FRS2: variants seen among roughly 807,000 people sequenced by gnomAD.
The protein encoded by FRS2 is fibroblast growth factor receptor substrate 2.
FRS2 carries 8 observed loss-of-function variants against 43.9 expected under a neutral mutation model. The ratio of observed to expected loss-of-function variants is 0.18; its 90% confidence interval spans 0.11 to 0.33. The LOEUF (loss-of-function observed/expected upper bound fraction) is 0.33. Ranked by LOEUF, FRS2 falls within the 10% of genes least tolerant of loss-of-function variation. The pLI is 1.00. For synonymous variants in FRS2, 219 were observed against 220.3 expected, an observed-to-expected ratio of 0.99 and a Z score of 0.05; for missense variants, 534 against 627.6, an observed-to-expected ratio of 0.85 and a Z score of 1.59.
intron 3 of FRS2, among the ~76,000 whole-genome samples, chr12:69,548,676 G>C (rs553679104): frequency 1.4e-4 from 21 of 152,298 alleles, no homozygotes; most frequent in African/African-American, 5.1e-4. Flanking sequence ...TTAATAAAGG[G>C]ATTAGTTACA....
chr12:69,481,763 T>C (rs890782426), intron 1 of FRS2, among the ~76,000 whole-genome samples: 6 of 152,202 alleles, frequency 3.9e-5, no homozygotes, highest in Non-Finnish European at 7.3e-5. Context: ...CAATTTGGAC[T>C]TGTCTGATTT....
Position 69,576,996 on chromosome 12 carries a change from ATGGAACCAT to A in FRS2, c.*2044_*2052del, listed in dbSNP as rs1292298316. 1 of 152,296 alleles carries A rather than the reference ATGGAACCAT, an allele frequency of 6.6e-6. No individual in the cohort carries two copies. Among genetic ancestry groups the A allele is most frequent in the Non-Finnish European group, 1.5e-5 (1 of 68,046 alleles). The allele number at this position is 152,296 out of a possible 1,614,324, so 9.4% of individuals were successfully genotyped here. A position where few individuals can be genotyped will look rare whatever the true frequency, so the allele number is the denominator to read the frequency against. On this transcript the variant is annotated 3_prime_UTR_variant, in exon 9 of 9. Transcript: ENST00000549921. ...TTTGTAATGTGGAATAAGAATTATG[ATGGAACCAT>A]TGCACATTTTTTTCTGAAACAGCCA... is the stretch of plus-strand genomic sequence containing the variant.
chr12:69,474,390 A>G lies in FRS2; in HGVS notation c.-261+3860A>G, dbSNP rs190421486. ...GGTGTACTGGTTGAATCTGTGTAAG[A>G]AGATGAAAGTGCCAAGGGAGAATGT... On this transcript the variant is annotated intron_variant, in intron 1 of 8. Coordinates refer to ENST00000549921, the MANE Select transcript of FRS2 (RefSeq NM_001278356.2). Among the ~76,000 whole-genome samples the G allele has an allele frequency of 9.2e-5, 14 of 152,036 alleles. No homozygotes were observed. In the East Asian group the frequency reaches 1.6e-3, roughly 17 times the overall value.
At chr12:69,512,298 C>T (rs1278280585) in intron 1 of FRS2, among the ~76,000 whole-genome samples, 1 of 152,122 alleles carries the variant, frequency 6.6e-6, no homozygotes, top group East Asian at 1.9e-4. Flanking sequence ...CTCTTTATAA[C>T]AGGGTAGTAA....
At chr12:69,564,835 C>T (rs1880154282) in intron 4 of FRS2, among the ~76,000 whole-genome samples, 1 of 152,200 alleles carries the variant, frequency 6.6e-6, no homozygotes, top group African/African-American at 2.4e-5. Flanking sequence ...GGTTTTCCAT[C>T]ATGTGTAGGA....
At chr12:69,525,710 A>T (rs1435364786) in intron 1 of FRS2, among the ~76,000 whole-genome samples, 23 of 143,478 alleles carry the variant, frequency 1.6e-4, no homozygotes, top group Admixed American at 5.6e-4. Context: ...GAGGGAGATT[A>T]TTTTTTTTTT....
chr12:69,484,229 C>T (rs1456517355), intron 1 of FRS2, among the ~76,000 whole-genome samples: 4 of 151,998 alleles, frequency 2.6e-5, no homozygotes, highest in Non-Finnish European at 4.4e-5. Flanking sequence ...GGACTACAGG[C>T]GCCCACCACC....
intron 3 of FRS2, among the ~76,000 whole-genome samples, chr12:69,550,836 A>T (rs539281493): frequency 6.7e-4 from 102 of 152,366 alleles, no homozygotes; most frequent in African/African-American, 2.3e-3. Context: ...GTACATAATT[A>T]TAGGAAACCA....
chr12:69,526,152 T>C (rs1458849184), intron 1 of FRS2, among the ~76,000 whole-genome samples: 1 of 152,186 alleles, frequency 6.6e-6, no homozygotes, highest in African/African-American at 2.4e-5. Context: ...CCATGGTGCC[T>C]GGCCCATCCT....
rs61754563 is a variant in FRS2 at position 69,574,957 on chromosome 12, C to T, written c.*2C>T. 5.4e-3 allele frequency: 8,529 copies of T among 1,572,654 alleles called. 113 individuals carry two copies. Among genetic ancestry groups the T allele is most frequent in the South Asian group, 0.04 (3,550 of 89,486 alleles). Reference sequence around the variant, plus strand: ...AATAGTACTGATCTGCCCATGTGAGCCTGGAAAGCATTGTGTTGTTTGCAC... The same window carrying T: ...AATAGTACTGATCTGCCCATGTGAGTCTGGAAAGCATTGTGTTGTTTGCAC... On this transcript the variant is annotated 3_prime_UTR_variant, in exon 9 of 9. Coordinates refer to ENST00000549921, the MANE Select transcript of FRS2 (RefSeq NM_001278356.2).
At chr12:69,534,495 A>G (rs769883034) in intron 3 of FRS2, among the ~76,000 whole-genome samples, 5 of 152,158 alleles carry the variant, frequency 3.3e-5, no homozygotes, top group African/African-American at 9.7e-5. Context: ...CTCTCCCCCA[A>G]TTTGAAGAAC....
At chr12:69,515,513 G>A (rs1874904580) in intron 1 of FRS2, among the ~76,000 whole-genome samples, 1 of 152,046 alleles carries the variant, frequency 6.6e-6, no homozygotes, top group Non-Finnish European at 1.5e-5. Context: ...AAAAGGAGAG[G>A]GGATATAGAG....
At chr12:69,490,431 GTTTTT>G (rs5798936) in intron 1 of FRS2, among the ~76,000 whole-genome samples, 3 of 133,344 alleles carry the variant, frequency 2.2e-5, no homozygotes, top group Non-Finnish European at 4.8e-5. Context: ...AAATGTGTGG[GTTTTT>G]TTTTTTTTTT....
chr12:69,542,984 A>G (rs763956123), intron 3 of FRS2, among the ~76,000 whole-genome samples: 2 of 152,240 alleles, frequency 1.3e-5, no homozygotes, highest in Non-Finnish European at 1.5e-5. Flanking sequence ...TACATCTGCT[A>G]TAATAACTAT....
chr12:69,497,330 G>A (rs7313202), intron 1 of FRS2, among the ~76,000 whole-genome samples: 51,164 of 152,064 alleles, frequency 0.34, 8,838 homozygotes, highest in South Asian at 0.58. Context: ...AGACTGGGTA[G>A]CTTATACATA....
At chr12:69,528,868 CTCTTGT>C (rs1256597988) in intron 1 of FRS2, among the ~76,000 whole-genome samples, 1 of 152,156 alleles carries the variant, frequency 6.6e-6, no homozygotes, top group Non-Finnish European at 1.5e-5. Flanking sequence ...AGAGAGATAT[CTCTTGT>C]TACTGGCAGA....
intron 1 of FRS2, among the ~76,000 whole-genome samples, chr12:69,476,898 T>C (rs1235162178): frequency 2.6e-5 from 4 of 152,220 alleles, no homozygotes; most frequent in African/African-American, 9.7e-5. Context: ...TTAAATTCTA[T>C]TAGAATGTCC....
At chr12:69,527,422 A>T (rs1372627590) in intron 1 of FRS2, among the ~76,000 whole-genome samples, 2 of 138,194 alleles carry the variant, frequency 1.4e-5, no homozygotes, top group Admixed American at 7.8e-5. Flanking sequence ...GGGCTCAAAG[A>T]ATCCTCCTGC....
intron 1 of FRS2, among the ~76,000 whole-genome samples, chr12:69,480,651 A>T (rs1795525287): frequency 6.6e-6 from 1 of 152,090 alleles, no homozygotes; most frequent in Non-Finnish European, 1.5e-5. Context: ...TAAAAATTTC[A>T]TTTACTATAT....
Sources: allele counts gnomAD v4.1 joint callset (sites outside exome capture counted in the v4.1 genomes callset), GRCh38; gene constraint gnomAD v4.1.1; transcripts MANE v1.5; gene names NCBI Gene and HGNC (gene_info 2026-07-23, HGNC 2026-07-21).